The following NHSL1 variants were observed in gnomAD, a reference collection of about 807,000 sequenced individuals.
NHSL1 encodes NHS like 1, also known as NHS-like protein 1.
Under a neutral mutation model 95.0 loss-of-function variants are expected in NHSL1, and 48 were observed. That is an observed-to-expected ratio of 0.51 (90% confidence interval 0.40 to 0.64). The LOEUF is 0.64. Ranked by LOEUF, NHSL1 falls within the 30% of genes least tolerant of loss-of-function variation. The pLI, the probability that NHSL1 is intolerant of heterozygous loss-of-function variation, is 0.00. For missense variants in NHSL1, 1,971 were observed against 2,077.7 expected, an observed-to-expected ratio of 0.95 and a Z score of 1.00; for synonymous variants, 783 against 833.9, an observed-to-expected ratio of 0.94 and a Z score of 1.05.
intron 1 of NHSL1, among the ~76,000 whole-genome samples, chr6:138,621,513 C>T (rs1179545018): frequency 1.3e-5 from 2 of 151,604 alleles, no homozygotes; most frequent in African/African-American, 2.4e-5. Flanking sequence ...TGCTCTGTTG[C>T]CCAGGCTGGA....
At chr6:138,465,762 C>T (rs1434546273) in intron 3 of NHSL1, among the ~76,000 whole-genome samples, 136 of 140,534 alleles carry the variant, frequency 9.7e-4, no homozygotes, top group African/African-American at 3.4e-3. Flanking sequence ...CTAGCTCTGT[C>T]GCCTAGGCTG....
rs984844292 is a variant in NHSL1, at chr6:138,650,325, G to A, written c.96+42151C>T. On this transcript the variant is annotated intron_variant, in intron 1 of 3. Coordinates refer to the NHSL1 transcript ENST00000491526. ...CAGGTACTTCCAGCAGTGAATCCAG[G>A]ATTTGAACACCGGGGAGTAACGGGG... The A allele has an allele frequency of 4.6e-6, 4 of 878,116 alleles. No homozygotes were observed. The Admixed American group carries it at 7.2e-5, about 16-fold the overall frequency. The allele number at this position is 878,116 out of a possible 1,614,324, so 54.4% of individuals were successfully genotyped here.
At chr6:138,505,672 A>G (rs1164253200) in intron 1 of NHSL1, among the ~76,000 whole-genome samples, 1 of 151,426 alleles carries the variant, frequency 6.6e-6, no homozygotes, top group Non-Finnish European at 1.5e-5. Flanking sequence ...AAAAAAAAAA[A>G]AGAATATGAA....
chr6:138,678,040 A>G (rs183777678), intron 1 of NHSL1, among the ~76,000 whole-genome samples: 2 of 152,314 alleles, frequency 1.3e-5, no homozygotes, highest in Non-Finnish European at 2.9e-5. Context: ...TGCAGAGCAG[A>G]GTAACAACCA....
rs189649105 is a variant in NHSL1 at position 138,596,914 on chromosome 6, G to C, written c.96+95562C>G. Among the ~76,000 whole-genome samples the C allele has an allele frequency of 9.2e-5, 14 of 152,166 alleles. No homozygotes were observed. In the East Asian group the frequency reaches 1.5e-3, roughly 17 times the overall value. ...CTCAAGCAGAGTTTGAAGTGCTCAG[G>C]GTTCCCGCCTTGCAATCAGAAGTTA... On this transcript the variant is annotated intron_variant, in intron 1 of 3. Transcript: ENST00000491526.
At chr6:138,586,724 G>T (rs564426955) in intron 1 of NHSL1, among the ~76,000 whole-genome samples, 12 of 152,160 alleles carry the variant, frequency 7.9e-5, no homozygotes, top group Non-Finnish European at 1.6e-4. Flanking sequence ...GTGTGAAAGA[G>T]GGGATGATCA....
Position 138,431,035 on chromosome 6 carries a change from C to A in NHSL1, c.3310G>T (p.Val1104Phe). The A allele has an allele frequency of 6.4e-7, 1 of 1,552,238 alleles. No homozygotes were observed. Residue 1104 changes from valine to phenylalanine, a missense_variant, in exon 6 of 8, where the codon GTT becomes TTT. This residue lies in a region of NHSL1 where 1,602 missense variants were observed against 1,654.5 expected (regional missense o/e 0.97). Transcript: ENST00000343505. The surrounding 1 kb of genome is among the most constrained non-coding windows in gnomAD (Gnocchi z 4.0). Reference sequence around the variant, plus strand: ...GGCTTTAAGTGGTACTGTGGAGCAACTGGAGTTCGTTGTTCCTGAGCTGTT... The same window carrying A: ...GGCTTTAAGTGGTACTGTGGAGCAAATGGAGTTCGTTGTTCCTGAGCTGTT... ...ERTAQEQRTP[V>F]APQYHLKPSA...
chr6:138,561,367 C>T (rs1783402645), intron 1 of NHSL1, among the ~76,000 whole-genome samples: 1 of 152,138 alleles, frequency 6.6e-6, no homozygotes, highest in African/African-American at 2.4e-5. Flanking sequence ...TTCCTTATAG[C>T]TTATTCCCTC....
chr6:138,668,958 C>A (rs553136964), intron 1 of NHSL1, among the ~76,000 whole-genome samples: 1 of 152,044 alleles, frequency 6.6e-6, no homozygotes, highest in African/African-American at 2.4e-5. Context: ...GTTGGATACA[C>A]GATGGAGGAA....
intron 2 of NHSL1, among the ~76,000 whole-genome samples, chr6:138,482,610 T>A (rs1779495785): frequency 6.6e-6 from 1 of 152,248 alleles, no homozygotes; most frequent in Admixed American, 6.5e-5. Flanking sequence ...TTTCTAAACC[T>A]CTGAATACTC....
rs778923636 is a variant in NHSL1 at position 138,597,076 on chromosome 6, G to A, written c.96+95400C>T. ...CTCAGGAGGCTGAGGCAGGAGAATC[G>A]CTTGAACCTGGGAGGCAGAGGCTGC... On this transcript the variant is annotated intron_variant, in intron 1 of 3. Coordinates refer to the NHSL1 transcript ENST00000491526. 1.1e-4 allele frequency among the ~76,000 whole-genome samples: 16 copies of A among 152,170 alleles called. No homozygotes were observed. The East Asian group carries it at 1.6e-3, about 15-fold the overall frequency.
chr6:138,609,469 G>A (rs368743389), intron 1 of NHSL1, among the ~76,000 whole-genome samples: 10 of 152,108 alleles, frequency 6.6e-5, no homozygotes, highest in African/African-American at 2.2e-4. Context: ...AGTGCTATCC[G>A]GCCGGGCGCG....
chr6:138,428,612 C>A (rs1242288280), intron 7 of NHSL1, among the ~76,000 whole-genome samples: 2 of 152,128 alleles, frequency 1.3e-5, no homozygotes, highest in African/African-American at 4.8e-5. Flanking sequence ...TCGTTCCCCC[C>A]ACACCAAGTT....
intron 4 of NHSL1, among the ~76,000 whole-genome samples, chr6:138,444,464 A>C (rs779301086): frequency 6.6e-6 from 1 of 152,148 alleles, no homozygotes; most frequent in Non-Finnish European, 1.5e-5. Context: ...GAACATGCCG[A>C]GTGCCCACAA....
intron 1 of NHSL1, among the ~76,000 whole-genome samples, chr6:138,579,796 C>T (rs527617043): frequency 2.6e-5 from 4 of 152,336 alleles, no homozygotes; most frequent in African/African-American, 9.6e-5. Flanking sequence ...TCCAATCGAC[C>T]TTACGTGACC....
chr6:138,521,190 T>C (rs184689492), intron 1 of NHSL1, among the ~76,000 whole-genome samples: 19 of 152,312 alleles, frequency 1.2e-4, no homozygotes, highest in Admixed American at 1.2e-3. Context: ...GGTGGACTTT[T>C]CCTTTTTGTC....
upstream of NHSL1, among the ~76,000 whole-genome samples, chr6:138,550,391 C>A (rs951196410): frequency 6.6e-6 from 1 of 152,192 alleles, no homozygotes; most frequent in African/African-American, 2.4e-5. Flanking sequence ...ATCATTGCTA[C>A]TGAGACTGAA....
intron 2 of NHSL1, among the ~76,000 whole-genome samples, chr6:138,483,488 T>C (rs1350614347): frequency 3.9e-5 from 6 of 152,222 alleles, no homozygotes; most frequent in South Asian, 2.1e-4. Flanking sequence ...AAATGTGTCT[T>C]ACATGTCAAG....
At chr6:138,504,499 A>G (rs1168315892) in intron 1 of NHSL1, among the ~76,000 whole-genome samples, 3 of 152,070 alleles carry the variant, frequency 2.0e-5, no homozygotes, top group Admixed American at 6.5e-5. Context: ...CAGAGAAGAG[A>G]CTCTTGGGTA....
Sources: gnomAD v4.1 joint callset for allele counts (sites outside exome capture counted in the v4.1 genomes callset) on GRCh38, gnomAD v4.1.1 for gene constraint, gnomAD v4.1.1 regional missense constraint, Gnocchi (gnomAD v3.1) non-coding constraint, MANE v1.5 for transcripts, NCBI Gene and HGNC (gene_info 2026-07-23, HGNC 2026-07-21) for gene names.